PBRM1: variants seen among roughly 807,000 people sequenced by gnomAD.
PBRM1 encodes the protein protein polybromo-1.
In PBRM1, 27 loss-of-function variants were observed where a neutral mutation model predicts 194.5. The observed-to-expected ratio is 0.14, with a 90% CI of 0.10 to 0.19. The LOEUF (loss-of-function observed/expected upper bound fraction) is 0.19, where lower values mean the gene tolerates loss of function less well. PBRM1 is among the 10% of genes least tolerant of loss of function. PBRM1 has a pLI of 1.00. For missense variants in PBRM1, 1,466 were observed against 2,077.2 expected (o/e 0.71, Z 5.72); for synonymous variants, 655 against 693.2 (o/e 0.94, Z 0.87).
intron 16 of PBRM1, among the ~76,000 whole-genome samples, chr3:52,605,775 G>A (rs949884146): frequency 3.3e-5 from 5 of 151,632 alleles, no homozygotes; most frequent in South Asian, 2.1e-4. Context: ...GCTAATTTTT[G>A]TACTTTTAGT....
At chr3:52,655,918 C>T (rs560433265) in intron 5 of PBRM1, among the ~76,000 whole-genome samples, 2 of 152,312 alleles carry the variant, frequency 1.3e-5, no homozygotes, top group African/African-American at 2.4e-5. Flanking sequence ...TCCAATCCTT[C>T]GGATCGGGTT....
chr3:52,599,166 G>C (rs1369157015), intron 17 of PBRM1, among the ~76,000 whole-genome samples: 1 of 152,064 alleles, frequency 6.6e-6, no homozygotes, highest in East Asian at 1.9e-4. Context: ...CTCTAGCCTG[G>C]GTGACAGAAT....
intron 18 of PBRM1, 68 bp from the exon 21 acceptor site, chr3:52,587,578 T>A: frequency 8.4e-7 from 1 of 1,193,382 alleles, no homozygotes; most frequent in East Asian, 2.6e-5. Flanking sequence ...CACTTTTTTT[T>A]TTTTTTTTTT....
intron 3 of PBRM1, among the ~76,000 whole-genome samples, chr3:52,666,763 G>A (rs181859189): frequency 7.3e-5 from 11 of 151,514 alleles, no homozygotes; most frequent in Admixed American, 3.3e-4. Flanking sequence ...GTGATGGTGC[G>A]CACCTGTAGT....
chr3:52,659,826 C>T (rs1483984716), intron 4 of PBRM1, among the ~76,000 whole-genome samples: 1 of 152,306 alleles, frequency 6.6e-6, no homozygotes, highest in African/African-American at 2.4e-5. Flanking sequence ...CATGGTGGCT[C>T]ATGCCTGTAA....
intron 21 of PBRM1, among the ~76,000 whole-genome samples, chr3:52,577,170 C>T (rs781286910): frequency 1.3e-5 from 2 of 152,178 alleles, no homozygotes; most frequent in Non-Finnish European, 2.9e-5. Flanking sequence ...GGGGCTCACG[C>T]CTGTAATCCC....
At chr3:52,596,901 G>A (rs75509632) in intron 17 of PBRM1, among the ~76,000 whole-genome samples, 2,962 of 152,204 alleles carry the variant, frequency 0.019, 44 homozygotes, top group African/African-American at 0.041. Flanking sequence ...ACTAGGACTT[G>A]CCTAATAGTT....
Position 52,579,005 on chromosome 3 carries a change from C to A in PBRM1, c.3533+49G>T, listed in dbSNP as rs762200951. 11 of 1,591,980 alleles carry A rather than the reference C, an allele frequency of 6.9e-6. No homozygotes were observed. The South Asian group carries it at 9.9e-5, about 14-fold the overall frequency. ...GAAGGGTGACTAATTTCTACTGGTT[C>A]CAAATTTCTCAGATTCAACCTCATC... On this transcript the variant is annotated intron_variant, in intron 21 of 29. Coordinates refer to ENST00000296302, the Ensembl canonical transcript of PBRM1.
chr3:52,593,735 G>A (rs957257782), intron 17 of PBRM1, among the ~76,000 whole-genome samples: 2 of 152,108 alleles, frequency 1.3e-5, no homozygotes, highest in Non-Finnish European at 2.9e-5. Flanking sequence ...ATAATTGTAT[G>A]GTTTTGAGTG....
chr3:52,610,251 G>A (rs2094540513), intron 15 of PBRM1, among the ~76,000 whole-genome samples: 1 of 152,208 alleles, frequency 6.6e-6, no homozygotes, highest in South Asian at 2.1e-4. Flanking sequence ...CTGGAGAACT[G>A]AGATTTTCAT....
intron 1 of PBRM1, chr3:52,685,309 C>G (rs998715979): frequency 2.6e-5 from 4 of 152,044 alleles, no homozygotes; most frequent in African/African-American, 9.7e-5. Flanking sequence ...AAATACAAGT[C>G]CCATTGATTA....
chr3:52,610,385 TACAA>T (rs1476014687), intron 15 of PBRM1, among the ~76,000 whole-genome samples: 8 of 152,196 alleles, frequency 5.3e-5, no homozygotes, highest in African/African-American at 1.9e-4. Context: ...AATATAAACA[TACAA>T]ACAAACACAC....
In PBRM1 at chr3:52,583,763, T is replaced by C. The variant is rs182982755; in HGVS notation, c.3387+2662A>G. On this transcript the variant is annotated intron_variant, in intron 20 of 29. Coordinates refer to ENST00000296302, the Ensembl canonical transcript of PBRM1. ...ATCCTCGTCTATTCCAAGTTTATTATTGAAAAAAAATTATAGGTAAATTAC... is the reference window on the plus strand; with the variant it reads ...ATCCTCGTCTATTCCAAGTTTATTACTGAAAAAAAATTATAGGTAAATTAC... Among the ~76,000 whole-genome samples the C allele has an allele frequency of 1.7e-3, 252 of 152,224 alleles. 2 individuals carry two copies. The highest frequency in any genetic ancestry group is 4.7e-4 in the Non-Finnish European group (32 of 68,026).
At chr3:52,683,825 C>CA (rs1410981022), upstream of PBRM1, among the ~76,000 whole-genome samples, 23 of 149,404 alleles carry the variant, frequency 1.5e-4, no homozygotes, top group South Asian at 4.1e-3. Context: ...CCAAAAAAAA[C>CA]AAAAAAAAAG....
intron 3 of PBRM1, among the ~76,000 whole-genome samples, chr3:52,667,061 G>A (rs1473731689): frequency 6.6e-6 from 1 of 152,038 alleles, no homozygotes; most frequent in African/African-American, 2.4e-5. Flanking sequence ...AATAGTGTTG[G>A]TTATACCTGT....
chr3:52,634,889 A>C, intron 10 of PBRM1, 74 bp from the exon 12 acceptor site: 1 of 999,584 alleles, frequency 1.0e-6, no homozygotes, highest in Non-Finnish European at 1.5e-6. Context: ...AGTTCATTTA[A>C]CAACCTTCCA....
intron 20 of PBRM1, among the ~76,000 whole-genome samples, chr3:52,580,624 A>T (rs965024355): frequency 6.6e-6 from 1 of 152,178 alleles, no homozygotes; most frequent in African/African-American, 2.4e-5. Context: ...GGCCTCCCAA[A>T]GTGCGGGGAT....
chr3:52,649,809 T>C (rs529129768), intron 6 of PBRM1, among the ~76,000 whole-genome samples: 2 of 152,260 alleles, frequency 1.3e-5, no homozygotes, highest in Non-Finnish European at 2.9e-5. Context: ...AAATAGATTA[T>C]TCCAGTAATT....
In PBRM1 at chr3:52,550,706, G is replaced by C. The variant is rs1356161255; in HGVS notation, c.4680+41C>G. 3.8e-6 allele frequency: 6 copies of C among 1,588,632 alleles called. No homozygotes were observed. In the South Asian group the frequency reaches 5.6e-5, roughly 15 times the overall value. On this transcript the variant is annotated intron_variant, in intron 28 of 29. Transcript: ENST00000296302. ...GCACATGTTCTGAGAAGGATAACTC[G>C]AATTCTGTCAAGTCCTAGAAAATCA... is the stretch of plus-strand genomic sequence containing the variant.
Sources: gnomAD v4.1 joint callset for allele counts (sites outside exome capture counted in the v4.1 genomes callset) on GRCh38, gnomAD v4.1.1 for gene constraint, MANE v1.5 for transcripts, NCBI Gene and HGNC (gene_info 2026-07-23, HGNC 2026-07-21) for gene names.